Variants in GFPT2 observed in about 807,000 individuals in gnomAD.
GFPT2 encodes the protein glutamine--fructose-6-phosphate transaminase 2, also known as glutamine--fructose-6-phosphate aminotransferase [isomerizing] 2.
GFPT2 carries 62 observed loss-of-function variants against 85.6 expected under a neutral mutation model. The ratio of observed to expected loss-of-function variants is 0.72; its 90% CI spans 0.59 to 0.90. GFPT2 has a LOEUF of 0.90. Ranked by LOEUF, GFPT2 falls within the 40% of genes least tolerant of loss-of-function variation. The pLI is 0.00. For synonymous variants in GFPT2, 368 were observed against 344.5 expected (o/e 1.07, Z -0.75); for missense variants, 788 against 893.4 (o/e 0.88, Z 1.50).
intron 1 of GFPT2, chr5:180,352,345 A>C (rs767495149): frequency 5.1e-6 from 2 of 389,028 alleles, no homozygotes; most frequent in Admixed American, 3.2e-5. Context: ...CAAGGAAAAA[A>C]AAAAAAAAAA....
chr5:180,331,423 T>G, intron 5 of GFPT2, 72 bp downstream of exon 5: 1 of 891,036 alleles, frequency 1.1e-6, no homozygotes, highest in Non-Finnish European at 1.9e-6. Flanking sequence ...CGCAAGGAAA[T>G]GAGCTGGCTG....
chr5:180,341,900 T>G (rs1240586935), intron 1 of GFPT2, among the ~76,000 whole-genome samples: 1 of 152,226 alleles, frequency 6.6e-6, no homozygotes, highest in African/African-American at 2.4e-5. Context: ...ACCTTATTTT[T>G]TAAAAAGATA....
At position 180,318,754 on chromosome 5, in the gene GFPT2, T is replaced by TCCCGAC. The variant is rs1561876208; in HGVS notation, c.958+38_958+39insGTCGGG. On this transcript the variant is annotated intron_variant, in intron 10 of 18. Transcript: ENST00000253778. This position sits in a 1 kb window ranked among gnomAD's most constrained non-coding sequence, Gnocchi z 4.2. Reference sequence around the variant, plus strand: ...CAGGAGCTCCACCAGGCGCGCTGGCTCCCGAGGCTGCCGCACGTGGACTCT... The same window carrying TCCCGAC: ...CAGGAGCTCCACCAGGCGCGCTGGCTCCCGACCCCGAGGCTGCCGCACGTGGACTCT... The TCCCGAC allele has an allele frequency of 6.3e-7, 1 of 1,588,404 alleles. No homozygotes were observed. The highest frequency in any genetic ancestry group is 1.1e-5 in the South Asian group (1 of 90,280).
chr5:180,332,895 C>T (rs1011940040), intron 4 of GFPT2, among the ~76,000 whole-genome samples: 3 of 152,112 alleles, frequency 2.0e-5, no homozygotes, highest in African/African-American at 4.8e-5. Flanking sequence ...TCCTTCAGTT[C>T]GGGAAAGATT....
rs1376892737 is a variant in GFPT2 at position 180,300,906 on chromosome 5, G to A, written c.*658C>T. ...TTAAACAGAAGTTGGAGAAGTGGAGGGATGTGGGCCACACACGAGAAGAAA... is the reference window on the plus strand; with the variant it reads ...TTAAACAGAAGTTGGAGAAGTGGAGAGATGTGGGCCACACACGAGAAGAAA... On this transcript the variant is annotated 3_prime_UTR_variant, in exon 19 of 19. Transcript: ENST00000253778. 6.6e-6 allele frequency: 1 copy of A among 152,668 alleles called. No individual in the cohort carries two copies. Among genetic ancestry groups the A allele is most frequent in the East Asian group, 1.9e-4 (1 of 5,192 alleles). 9.5% of individuals were successfully genotyped at this position (152,668 alleles called of 1,614,324 possible).
At chr5:180,317,893 C>A (rs925505774) in intron 10 of GFPT2, among the ~76,000 whole-genome samples, 2 of 152,022 alleles carry the variant, frequency 1.3e-5, no homozygotes, top group Admixed American at 6.6e-5. Flanking sequence ...TCTGGAGGTA[C>A]CCACAGGCAG....
chr5:180,343,953 G>A (rs1764563592), intron 1 of GFPT2, among the ~76,000 whole-genome samples: 1 of 152,250 alleles, frequency 6.6e-6, no homozygotes, highest in South Asian at 2.1e-4. Flanking sequence ...AAGGTATCCA[G>A]CGGACTTTTT....
chr5:180,333,631 T>C (rs528314725), intron 4 of GFPT2, among the ~76,000 whole-genome samples: 1 of 152,382 alleles, frequency 6.6e-6, no homozygotes, highest in African/African-American at 2.4e-5. Context: ...GGAATCCATG[T>C]TGTCTCTGCA....
intron 1 of GFPT2, among the ~76,000 whole-genome samples, chr5:180,341,496 C>T (rs1450457250): frequency 6.6e-6 from 1 of 152,158 alleles, no homozygotes; most frequent in Non-Finnish European, 1.5e-5. Context: ...AATCTATAAA[C>T]AGTCAAAAAT....
At chr5:180,334,389 G>C (rs984999830) in intron 4 of GFPT2, among the ~76,000 whole-genome samples, 1 of 152,158 alleles carries the variant, frequency 6.6e-6, no homozygotes, top group Non-Finnish European at 1.5e-5. Context: ...GTGGGTGGTG[G>C]GGGTGCCTGC....
rs539715611 is a variant in GFPT2, at chr5:180,302,378, G to C, written c.2004+45C>G. 6.8e-5 allele frequency: 101 copies of C among 1,478,820 alleles called. 4 individuals carry two copies. The South Asian group carries it at 1.1e-3, about 17-fold the overall frequency. The allele number at this position is 1,478,820 out of a possible 1,614,324, so 91.6% of individuals were successfully genotyped here. On this transcript the variant is annotated intron_variant, in intron 18 of 18. Transcript: ENST00000253778. Reference sequence around the variant, plus strand: ...TTAAAGAACAGAAAGGAACTCTGGGGTTATGTCTCTCCTCTCTGCTGTTAG... The same window carrying C: ...TTAAAGAACAGAAAGGAACTCTGGGCTTATGTCTCTCCTCTCTGCTGTTAG...
chr5:180,353,010 C>T (rs940696433), intron 1 of GFPT2: 1 of 399,830 alleles, frequency 2.5e-6, no homozygotes, highest in East Asian at 3.9e-5. Flanking sequence ...CCCACCCACA[C>T]CTCCGAGACG....
intron 4 of GFPT2, among the ~76,000 whole-genome samples, chr5:180,332,685 T>C (rs1180820138): frequency 6.6e-6 from 1 of 152,158 alleles, no homozygotes; most frequent in East Asian, 1.9e-4. Context: ...TTGCAGGTGC[T>C]CGCCACCACA....
intron 1 of GFPT2, among the ~76,000 whole-genome samples, chr5:180,340,942 G>A (rs751668887): frequency 2.0e-5 from 3 of 152,172 alleles, no homozygotes; most frequent in Non-Finnish European, 4.4e-5. Context: ...GATGAATGAC[G>A]GGGGAACAAA....
chr5:180,352,709 G>A (rs1387391700), intron 1 of GFPT2: 1 of 414,956 alleles, frequency 2.4e-6, no homozygotes, highest in Admixed American at 2.7e-5. Flanking sequence ...GACGCAGCGG[G>A]GGCGACCGGG....
At chr5:180,302,662 G>A (rs1763700424) in intron 17 of GFPT2, 78 bp from the exon 18 acceptor site, 6 of 1,159,042 alleles carry the variant, frequency 5.2e-6, no homozygotes, top group Non-Finnish European at 7.5e-6. Flanking sequence ...GTATCTGGAA[G>A]CTACATTACT....
intron 12 of GFPT2, 32 bp from the exon 13 acceptor site, chr5:180,316,493 G>A: frequency 6.2e-7 from 1 of 1,613,456 alleles, no homozygotes; most frequent in Non-Finnish European, 8.5e-7. Context: ...GGAGACTAAA[G>A]TCAGTCACAG....
At position 180,317,145 on chromosome 5, in the gene GFPT2, C is replaced by T. The variant is rs898333900; in HGVS notation, c.959-87G>A. ...AGCAGCGATAGTAACTCCTGTAAAG[C>T]TTACTGCAGATTCCCAAAGGCATCC... On this transcript the variant is annotated intron_variant, in intron 10 of 18. Transcript: ENST00000253778. 5.6e-6 allele frequency: 5 copies of T among 898,678 alleles called. No homozygotes were observed. The East Asian group carries it at 1.2e-4, about 22-fold the overall frequency. 55.7% of individuals were successfully genotyped at this position (898,678 alleles called of 1,614,324 possible).
chr5:180,332,351 C>A (rs1007459022), intron 4 of GFPT2, among the ~76,000 whole-genome samples: 25 of 152,268 alleles, frequency 1.6e-4, no homozygotes, highest in Admixed American at 1.2e-3. Context: ...AGGGAAAGAT[C>A]CAAGGCCAGC....
Sources: allele counts gnomAD v4.1 joint callset (sites outside exome capture counted in the v4.1 genomes callset), GRCh38; gene constraint gnomAD v4.1.1; non-coding constraint Gnocchi (gnomAD v3.1); transcripts MANE v1.5; gene names NCBI Gene and HGNC (gene_info 2026-07-23, HGNC 2026-07-21).